The following CACNA1C variants were observed in gnomAD, a reference collection of about 807,000 sequenced individuals.
CACNA1C encodes the protein voltage-dependent L-type calcium channel subunit alpha-1C.
A neutral mutation model predicts 229.0 loss-of-function variants in CACNA1C; 30 were observed. The observed-to-expected ratio is 0.13, with a 90% confidence interval of 0.10 to 0.18. The LOEUF is 0.18. Ranked by LOEUF, CACNA1C falls within the 10% of genes least tolerant of loss-of-function variation. The probability of loss-of-function intolerance (pLI) is 1.00; values close to 1 mark genes in which losing one functional copy is unlikely to be tolerated. For missense variants in CACNA1C, 1,658 were observed against 2,845.0 expected, an observed-to-expected ratio of 0.58 and a Z score of 9.49; for synonymous variants, 1,114 against 1,132.5, an observed-to-expected ratio of 0.98 and a Z score of 0.33.
chr12:2,112,307 G>A (rs1341487614), intron 1 of CACNA1C, among the ~76,000 whole-genome samples: 1 of 152,066 alleles, frequency 6.6e-6, no homozygotes, highest in Non-Finnish European at 1.5e-5. Context: ...TATGAGAAAG[G>A]TTAAGGTCCC....
intron 7 of CACNA1C, among the ~76,000 whole-genome samples, chr12:2,500,542 G>A (rs534727489): frequency 2.3e-4 from 35 of 152,250 alleles, no homozygotes; most frequent in African/African-American, 7.5e-4. Context: ...CTCGCCATCT[G>A]CCCAGGCTCC....
rs570845111 is a variant in CACNA1C at position 2,221,403 on chromosome 12, T to C, written c.477+100973T>C. Among the ~76,000 whole-genome samples the C allele has an allele frequency of 2.6e-5, 4 of 151,404 alleles. No individual in the cohort carries two copies. In the South Asian group the frequency reaches 8.4e-4, roughly 32 times the overall value. ...TGGGACCAGGTGCCAGCAGTGGAGG[T>C]GAGATGAATGGACAGAATTTGGCCA... is the stretch of plus-strand genomic sequence containing the variant. On this transcript the variant is annotated intron_variant, in intron 3 of 46. Transcript: ENST00000399655.
At chr12:2,516,859 G>A (rs1226898084) in intron 9 of CACNA1C, among the ~76,000 whole-genome samples, 1 of 152,138 alleles carries the variant, frequency 6.6e-6, no homozygotes, top group Non-Finnish European at 1.5e-5. Context: ...TGTAATTTGG[G>A]AAGTCAACAA....
chr12:2,696,968 C>G lies in CACNA1C; in HGVS notation c.*5769C>G, dbSNP rs988733881. ...TGGGTCCTGGACATAGCCCCCAACC[C>G]CAAGACTTCCCAATATGGAGAAACT... On this transcript the variant is annotated 3_prime_UTR_variant, in exon 47 of 47. Transcript: ENST00000399655. 2 of 152,244 alleles carry G rather than the reference C, an allele frequency of 1.3e-5. No individual in the cohort carries two copies. The highest frequency in any genetic ancestry group is 4.8e-5 in the African/African-American group (2 of 41,424). 9.4% of individuals were successfully genotyped at this position (152,244 alleles called of 1,614,324 possible).
intron 3 of CACNA1C, among the ~76,000 whole-genome samples, chr12:2,332,776 A>G (rs1000507425): frequency 1.3e-5 from 2 of 152,272 alleles, no homozygotes; most frequent in Non-Finnish European, 2.9e-5. Flanking sequence ...AAATACCAGA[A>G]TAAAATGTAC....
At chr12:2,022,473 T>A (rs1265915871) in intron 1 of CACNA1C, among the ~76,000 whole-genome samples, 1 of 151,842 alleles carries the variant, frequency 6.6e-6, no homozygotes, top group Non-Finnish European at 1.5e-5. Flanking sequence ...CTTTTTTTTT[T>A]TTTTTTTGAG....
intron 3 of CACNA1C, among the ~76,000 whole-genome samples, chr12:2,408,648 C>T (rs1432141646): frequency 1.3e-5 from 2 of 152,060 alleles, no homozygotes; most frequent in Admixed American, 6.5e-5. Context: ...TTACATATAA[C>T]GTACAGGGAT....
In CACNA1C at chr12:2,611,822, T is replaced by C. The variant is rs216007; in HGVS notation, c.3718-81T>C. On this transcript the variant is annotated intron_variant, in intron 28 of 46. Transcript: ENST00000399655. The stretch of plus-strand genomic sequence containing the variant: ...GAAGGTCTTGCTGAGGCGAGGGCCT[T>C]CGAGAAGGCTGGGCAAAAGGTGGGG... The C allele has an allele frequency of 0.2, 169,927 of 861,994 alleles. 18,103 individuals carry two copies. The highest frequency in any genetic ancestry group is 0.38 in the East Asian group (14,538 of 38,756). 53.4% of individuals were successfully genotyped at this position (861,994 alleles called of 1,614,324 possible). A position where few individuals can be genotyped will look rare whatever the true frequency, so the allele number is the denominator to read the frequency against.
chr12:2,616,873 G>A (rs1046784519), intron 29 of CACNA1C, among the ~76,000 whole-genome samples: 22 of 152,232 alleles, frequency 1.4e-4, no homozygotes, highest in Non-Finnish European at 2.8e-4. Flanking sequence ...TCCTGCCGGC[G>A]CCCTTGCCCT....
intron 1 of CACNA1C, among the ~76,000 whole-genome samples, chr12:2,099,852 T>C (rs2075657306): frequency 6.6e-6 from 1 of 152,050 alleles, no homozygotes; most frequent in Non-Finnish European, 1.5e-5. Context: ...TCCTTGCAGC[T>C]CTGTCCTGAG....
In CACNA1C at chr12:2,004,673, G is replaced by A. The variant is rs1286815840; in HGVS notation, c.139+33472G>A. ...AACGACAAGCCCAGGCCTGCCCTCT[G>A]CATCCCGTTTCTTTCTCCAAGAGCT... On this transcript the variant is annotated intron_variant, in intron 1 of 46. Transcript: ENST00000682462. 4 of 534,684 alleles carry A rather than the reference G, an allele frequency of 7.5e-6. No individual in the cohort carries two copies. The East Asian group carries it at 9.9e-5, about 13-fold the overall frequency. The allele number at this position is 534,684 out of a possible 1,614,324, so 33.1% of individuals were successfully genotyped here.
chr12:2,609,397 G>A (rs1459416014), intron 27 of CACNA1C, among the ~76,000 whole-genome samples: 1 of 151,890 alleles, frequency 6.6e-6, no homozygotes, highest in Admixed American at 6.6e-5. Flanking sequence ...GGAGCGCAGC[G>A]TGGTGTGCTC....
intron 1 of CACNA1C, among the ~76,000 whole-genome samples, chr12:2,103,300 C>A (rs1446713287): frequency 6.6e-6 from 1 of 152,182 alleles, no homozygotes; most frequent in Non-Finnish European, 1.5e-5. Context: ...GATGGTACCT[C>A]ATTGTGGTTT....
intron 31 of CACNA1C, among the ~76,000 whole-genome samples, chr12:2,650,046 TGCA>T (rs1323701826): frequency 1.3e-5 from 2 of 152,172 alleles, no homozygotes; most frequent in Non-Finnish European, 2.9e-5. Flanking sequence ...CAGGTACCCG[TGCA>T]GCAGGTCCCG....
chr12:2,464,736 C>G (rs939333886), intron 5 of CACNA1C, among the ~76,000 whole-genome samples: 1 of 152,166 alleles, frequency 6.6e-6, no homozygotes, highest in Non-Finnish European at 1.5e-5. Flanking sequence ...GAAAACAGCT[C>G]GCTATTAAAC....
chr12:2,135,772 C>T (rs1771177119), intron 3 of CACNA1C, among the ~76,000 whole-genome samples: 2 of 146,526 alleles, frequency 1.4e-5, no homozygotes, highest in Non-Finnish European at 3.0e-5. Flanking sequence ...TTGTCTGTGC[C>T]CTGCCCCCAG....
chr12:2,188,511 A>G (rs2097112619), intron 3 of CACNA1C, among the ~76,000 whole-genome samples: 2 of 152,154 alleles, frequency 1.3e-5, no homozygotes, highest in Non-Finnish European at 2.9e-5. Flanking sequence ...AGGACAGTGA[A>G]AAAGCTTATA....
intron 1 of CACNA1C, among the ~76,000 whole-genome samples, chr12:2,035,845 T>A (rs2049040479): frequency 6.6e-6 from 1 of 152,230 alleles, no homozygotes; most frequent in South Asian, 2.1e-4. Context: ...TCTGTTCTAG[T>A]ATTTAATCAT....
intron 34 of CACNA1C, 111 bp from the exon 35 acceptor site, chr12:2,664,714 T>G: frequency 1.3e-6 from 1 of 799,658 alleles, no homozygotes; most frequent in African/African-American, 1.7e-5. Flanking sequence ...AAGTTCATTT[T>G]AGTAACTCCC....
Sources: gnomAD v4.1 joint callset for allele counts (sites outside exome capture counted in the v4.1 genomes callset) on GRCh38, gnomAD v4.1.1 for gene constraint, MANE v1.5 for transcripts, NCBI Gene and HGNC (gene_info 2026-07-23, HGNC 2026-07-21) for gene names.